Variants in DNAH7 observed in about 807,000 individuals in gnomAD.
DNAH7 encodes dynein axonemal heavy chain 7.
In DNAH7, 397 loss-of-function variants were observed where a neutral mutation model predicts 444.6. The observed-to-expected ratio is 0.89, with a 90% CI of 0.82 to 0.97. The LOEUF is 0.97. Among genes scored for constraint, DNAH7 ranks in the 50% least tolerant of loss-of-function variants. The pLI is 0.00. For synonymous variants in DNAH7, 1,636 were observed against 1,624.4 expected (o/e 1.01, Z -0.17); for missense variants, 4,902 against 4,800.8 (o/e 1.02, Z -0.62).
intron 11 of DNAH7, 112 bp from the exon 12 acceptor site, chr2:196,000,995 C>T (rs1323553137): frequency 3.7e-6 from 3 of 810,220 alleles, no homozygotes; most frequent in African/African-American, 1.8e-5. Context: ...TCTTATGACC[C>T]AGACAGCTAA....
At chr2:195,974,928 T>C (rs1209499131) in intron 15 of DNAH7, among the ~76,000 whole-genome samples, 2 of 152,204 alleles carry the variant, frequency 1.3e-5, no homozygotes, top group African/African-American at 2.4e-5. Flanking sequence ...TTTTTAAAAA[T>C]ACATATGTAA....
intron 10 of DNAH7, among the ~76,000 whole-genome samples, chr2:196,009,392 G>T (rs546756438): frequency 4.1e-4 from 63 of 152,216 alleles, no homozygotes; most frequent in African/African-American, 1.4e-3. Flanking sequence ...ATTGGGTACC[G>T]CTGGAAGCAG....
chr2:195,932,653 C>T (rs996475750), intron 21 of DNAH7, among the ~76,000 whole-genome samples: 10 of 152,000 alleles, frequency 6.6e-5, no homozygotes, highest in African/African-American at 2.4e-4. Context: ...TGTCAAAGGC[C>T]TTTTCTGCAT....
rs758739049 is a variant in DNAH7, at chr2:195,737,992, G to A, written c.12004C>T (p.Leu4002Phe). 2 of 1,614,116 alleles carry A rather than the reference G, an allele frequency of 1.2e-6. No homozygotes were observed. The highest frequency in any genetic ancestry group is 4.5e-5 in the East Asian group (2 of 44,882). Residue 4002 changes from leucine to phenylalanine, a missense_variant, in exon 65 of 65, where the codon CTT becomes TTT. Coordinates refer to ENST00000312428, the MANE Select transcript of DNAH7 (RefSeq NM_018897.3). ...TGTTCCTTGGGTTGGTCAGAGGGAA[G>A]AGTCATGGCAATCACAAAATTCGTG... is the stretch of plus-strand genomic sequence containing the variant. ...HSTNFVIAMT[L>F]PSDQPKEHWI...
intron 5 of DNAH7, among the ~76,000 whole-genome samples, chr2:196,031,571 A>G (rs1411292279): frequency 6.6e-6 from 1 of 152,178 alleles, no homozygotes; most frequent in Admixed American, 6.5e-5. Flanking sequence ...TGCCTTTAAC[A>G]GCACCCAAGT....
intron 63 of DNAH7, among the ~76,000 whole-genome samples, chr2:195,743,230 C>T (rs777268746): frequency 8.5e-5 from 13 of 152,366 alleles, no homozygotes; most frequent in Middle Eastern, 3.4e-3. Flanking sequence ...TGCTTCCGTA[C>T]TTTTGAGGTT....
intron 33 of DNAH7, among the ~76,000 whole-genome samples, chr2:195,886,842 T>C (rs900719141): frequency 6.6e-6 from 1 of 152,182 alleles, no homozygotes; most frequent in African/African-American, 2.4e-5. Flanking sequence ...CAAGTTCTCA[T>C]AGGCGTTTGT....
chr2:196,024,343 T>C (rs901989214), intron 8 of DNAH7, 86 bp downstream of exon 8: 6 of 831,648 alleles, frequency 7.2e-6, no homozygotes, highest in Non-Finnish European at 1.1e-5. Context: ...ATTATAAACA[T>C]ACATTTGAGA....
At chr2:195,794,827 G>A (rs3817422) in intron 56 of DNAH7, among the ~76,000 whole-genome samples, 111,558 of 152,068 alleles carry the variant, frequency 0.73, 41,088 homozygotes, top group African/African-American at 0.77. Context: ...TAACTAAGAC[G>A]TTCCCAAAAC....
intron 31 of DNAH7, among the ~76,000 whole-genome samples, 189 bp from the exon 32 acceptor site, chr2:195,889,170 C>T (rs919141607): frequency 1.3e-5 from 2 of 152,062 alleles, no homozygotes; most frequent in Non-Finnish European, 2.9e-5. Context: ...ATATGTATCA[C>T]TAAAGAAGCC....
intron 21 of DNAH7, among the ~76,000 whole-genome samples, chr2:195,933,207 T>C (rs1395270867): frequency 6.6e-6 from 1 of 152,112 alleles, no homozygotes; most frequent in Non-Finnish European, 1.5e-5. Flanking sequence ...TGAGATACCA[T>C]CTCACACCAG....
chr2:195,916,018 T>C (rs2125325677), intron 24 of DNAH7, among the ~76,000 whole-genome samples: 1 of 152,318 alleles, frequency 6.6e-6, no homozygotes, highest in Non-Finnish European at 1.5e-5. Context: ...AAGAAACATT[T>C]CTAAAATAAA....
intron 54 of DNAH7, among the ~76,000 whole-genome samples, chr2:195,800,932 C>T (rs1042176916): frequency 1.3e-5 from 2 of 152,170 alleles, no homozygotes; most frequent in Non-Finnish European, 2.9e-5. Context: ...AATCTGTACT[C>T]CCTTTACTAT....
At chr2:195,843,637 T>C (rs1234432961) in intron 47 of DNAH7, among the ~76,000 whole-genome samples, 1 of 152,174 alleles carries the variant, frequency 6.6e-6, no homozygotes, top group Non-Finnish European at 1.5e-5. Flanking sequence ...CCCTAGGTGG[T>C]CTCATCAGAT....
rs1699777329 is a variant in DNAH7, at chr2:195,857,456, C to CA, written c.8334dup (p.Val2779CysfsTer26). On this transcript the variant is annotated frameshift_variant, in exon 44 of 65. Coordinates refer to ENST00000312428, the MANE Select transcript of DNAH7 (RefSeq NM_018897.3). LOFTEE classifies it high-confidence loss of function. ...GAAGCATTTCTGATTTTTTCTGGTA[C>CA]AAAATCTGGATTTGGAATATAATTT... is the stretch of plus-strand genomic sequence containing the variant. 6.2e-7 allele frequency: 1 copy of CA among 1,613,036 alleles called. No individual in the cohort carries two copies. The highest frequency in any genetic ancestry group is 8.5e-7 in the Non-Finnish European group (1 of 1,179,736).
chr2:195,858,826 A>C (rs757677970), intron 42 of DNAH7, 22 bp from the exon 43 acceptor site: 1 of 1,571,042 alleles, frequency 6.4e-7, no homozygotes, highest in Admixed American at 1.8e-5. Flanking sequence ...TAGATAAAAC[A>C]AAGTTAATCA....
chr2:195,809,953 T>C, intron 51 of DNAH7, 82 bp from the exon 52 acceptor site: 4 of 1,154,688 alleles, frequency 3.5e-6, no homozygotes, highest in Non-Finnish European at 4.5e-6. Context: ...ATGTATGTTC[T>C]TCTGATAAAC....
intron 61 of DNAH7, among the ~76,000 whole-genome samples, chr2:195,756,991 C>T (rs1267924066): frequency 7.5e-6 from 1 of 133,852 alleles, no homozygotes; most frequent in Non-Finnish European, 1.6e-5. Flanking sequence ...GACCCTGTCT[C>T]AAAAAAAAAA....
At chr2:196,065,234 CTT>C (rs1698364504) in intron 1 of DNAH7, among the ~76,000 whole-genome samples, 1 of 152,176 alleles carries the variant, frequency 6.6e-6, no homozygotes, top group African/African-American at 2.4e-5. Flanking sequence ...ACTCTTCTCT[CTT>C]TTGAACACAA....
Sources: allele counts gnomAD v4.1 joint callset (sites outside exome capture counted in the v4.1 genomes callset), GRCh38; gene constraint gnomAD v4.1.1; transcripts MANE v1.5; gene names NCBI Gene and HGNC (gene_info 2026-07-23, HGNC 2026-07-21).